Variants in CHRDL1 observed in about 807,000 individuals in gnomAD.
CHRDL1 encodes chordin like 1.
In CHRDL1, 19 loss-of-function variants were observed where a neutral mutation model predicts 40.9. The observed-to-expected ratio is 0.46, with a 90% CI of 0.32 to 0.68. The LOEUF is 0.68. CHRDL1 is among the 30% of genes least tolerant of loss of function. CHRDL1 has a pLI of 0.03. For missense variants in CHRDL1, 329 were observed against 352.1 expected, an observed-to-expected ratio of 0.93 and a Z score of 0.53; for synonymous variants, 136 against 123.4, an observed-to-expected ratio of 1.10 and a Z score of -0.68.
intron 4 of CHRDL1, among the ~76,000 whole-genome samples, chrX:110,733,843 G>A (rs2071212745): frequency 9.4e-6 from 1 of 106,914 alleles, no homozygotes; most frequent in Non-Finnish European, 1.9e-5. Flanking sequence ...AGGAGGCGGA[G>A]GTTGCATTGA....
intron 2 of CHRDL1, among the ~76,000 whole-genome samples, chrX:110,788,306 C>T (rs925701100): frequency 8.9e-6 from 1 of 112,010 alleles, no homozygotes; most frequent in African/African-American, 3.2e-5. Context: ...CTTCACCATT[C>T]CTTGTGATGA....
chrX:110,708,898 G>C, intron 6 of CHRDL1, among the ~76,000 whole-genome samples: 1 of 111,479 alleles, frequency 9.0e-6, no homozygotes, highest in Non-Finnish European at 1.9e-5. Flanking sequence ...CTGGCCCCTG[G>C]AAAGATGGTC....
intron 6 of CHRDL1, among the ~76,000 whole-genome samples, chrX:110,717,350 A>G (rs1235480926): frequency 8.9e-6 from 1 of 112,194 alleles, no homozygotes; most frequent in Non-Finnish European, 1.9e-5. Flanking sequence ...GCACAGGAAC[A>G]ATGCAGTGGG....
At chrX:110,703,415 G>C (rs978323600) in intron 6 of CHRDL1, among the ~76,000 whole-genome samples, 4 of 112,228 alleles carry the variant, frequency 3.6e-5, no homozygotes, top group Non-Finnish European at 7.5e-5. Flanking sequence ...TAGACTGCAA[G>C]CTGAACTCTG....
chrX:110,704,767 C>A (rs1197657768), intron 6 of CHRDL1, among the ~76,000 whole-genome samples: 1 of 110,191 alleles, frequency 9.1e-6, no homozygotes, highest in African/African-American at 3.3e-5. Flanking sequence ...ACTAGAGAGA[C>A]GAATAGAAAC....
intron 4 of CHRDL1, among the ~76,000 whole-genome samples, chrX:110,752,560 A>G (rs2089377517): frequency 9.0e-6 from 1 of 111,157 alleles, no homozygotes; most frequent in African/African-American, 3.3e-5. Context: ...TGTAACCTAA[A>G]ATAGTAATAA....
chrX:110,730,164 G>C (rs2148475298), intron 4 of CHRDL1, among the ~76,000 whole-genome samples: 1 of 111,947 alleles, frequency 8.9e-6, no homozygotes, highest in South Asian at 3.8e-4. Context: ...GTAAATTTTA[G>C]AAATTCTCAA....
intron 4 of CHRDL1, among the ~76,000 whole-genome samples, chrX:110,740,644 G>A (rs964409364): frequency 5.4e-5 from 6 of 112,092 alleles, no homozygotes; most frequent in Non-Finnish European, 9.4e-5. Flanking sequence ...AATATTTGAT[G>A]AGGAATGGGC....
rs771825898 is a variant in CHRDL1, at chrX:110,759,737, G to C, written c.225C>G (p.Cys75Trp). The change falls in exon 4 of 12, where the codon TGC becomes TGG. Residue 75 changes from cysteine (C) to tryptophan (W), a missense_variant. Cys to Trp is a radical substitution (Grantham distance 215). Coordinates refer to ENST00000372042, the MANE Select transcript of CHRDL1 (RefSeq NM_001143981.2). ...CICSENGNVL[C>W]SRVRCPNVHC... ...GAACATTTGGACATCTGACTCGGCTGCAAAGCACATTCCCATTCTGAAAAA... is the reference window on the plus strand; with the variant it reads ...GAACATTTGGACATCTGACTCGGCTCCAAAGCACATTCCCATTCTGAAAAA... The C allele has an allele frequency of 8.4e-7, 1 of 1,194,666 alleles. No individual in the cohort carries two copies. The highest frequency in any genetic ancestry group is 2.2e-5 in the Admixed American group (1 of 45,982).
chrX:110,784,184 T>A (rs1454092301), intron 2 of CHRDL1, among the ~76,000 whole-genome samples: 1 of 112,015 alleles, frequency 8.9e-6, no homozygotes, highest in Non-Finnish European at 1.9e-5. Context: ...ATGTAGTAGT[T>A]AAGGGGAAAA....
chrX:110,676,334 T>C lies in CHRDL1; in HGVS notation c.1274A>G (p.Glu425Gly). The C allele has an allele frequency of 8.3e-7, 1 of 1,210,243 alleles. No homozygotes were observed. The highest frequency in any genetic ancestry group is 1.1e-6 in the Non-Finnish European group (1 of 894,543). ...LSQWKIFTEG[E>G]AQISQMCSSR... ...TGAACACATCTGGCTGATCTGAGCT[T>C]CTCCTTCGGTGAAGATCTTCCACTG... The change falls in exon 12 of 12, where the codon GAA becomes GGA. Residue 425 changes from glutamate (E) to glycine (G), a missense_variant. By Grantham distance (98) the Glu-to-Gly change is moderately conservative (BLOSUM62 -2). Transcript: ENST00000372042.
chrX:110,774,778 C>T (rs1934039711), intron 2 of CHRDL1, among the ~76,000 whole-genome samples: 1 of 111,573 alleles, frequency 9.0e-6, no homozygotes, highest in African/African-American at 3.3e-5. Context: ...GGACATTCTT[C>T]TCATATATGC....
At chrX:110,701,035 C>T (rs1232404547) in intron 6 of CHRDL1, among the ~76,000 whole-genome samples, 5 of 112,110 alleles carry the variant, frequency 4.5e-5, no homozygotes, top group South Asian at 3.7e-4. Context: ...CATTTTACTT[C>T]GTGACAGTTA....
chrX:110,795,618 G>A (rs910677268), intron 1 of CHRDL1, 126 bp downstream of exon 1: 6 of 112,167 alleles, frequency 5.3e-5, no homozygotes, highest in African/African-American at 2.0e-4. Context: ...AGGTTGGGGT[G>A]GCAGGGGAAT....
intron 4 of CHRDL1, among the ~76,000 whole-genome samples, chrX:110,732,779 G>T (rs1200159362): frequency 9.1e-6 from 1 of 109,750 alleles, no homozygotes; most frequent in Non-Finnish European, 1.9e-5. Flanking sequence ...GGGGTTTTTT[G>T]GGGGGCAGGG....
intron 7 of CHRDL1, among the ~76,000 whole-genome samples, chrX:110,695,852 T>A (rs1374677007): frequency 2.7e-5 from 3 of 112,299 alleles, no homozygotes; most frequent in African/African-American, 9.8e-5. Context: ...AGGACCTTTT[T>A]TAGCCTTTTG....
At chrX:110,716,358 T>C (rs190862497) in intron 6 of CHRDL1, among the ~76,000 whole-genome samples, 1 of 110,320 alleles carries the variant, frequency 9.1e-6, no homozygotes. Flanking sequence ...TGCATTCATT[T>C]AAAGAGCACC....
chrX:110,759,512 G>T, intron 4 of CHRDL1, 149 bp downstream of exon 4: 1 of 471,640 alleles, frequency 2.1e-6, no homozygotes, highest in South Asian at 3.8e-5. Flanking sequence ...GCTATAAAAA[G>T]TATTTAGAGG....
intron 8 of CHRDL1, among the ~76,000 whole-genome samples, chrX:110,689,089 T>TATAC (rs2070096862): frequency 1.2e-5 from 1 of 84,542 alleles, no homozygotes; most frequent in East Asian, 3.9e-4. Context: ...TATATATATA[T>TATAC]ATATATATAT....
Sources: allele counts gnomAD v4.1 joint callset (sites outside exome capture counted in the v4.1 genomes callset), GRCh38; gene constraint gnomAD v4.1.1; transcripts MANE v1.5; gene names NCBI Gene and HGNC (gene_info 2026-07-23, HGNC 2026-07-21).